The following ARL5B variants were observed in gnomAD, a reference collection of about 807,000 sequenced individuals.
ARL5B encodes ADP-ribosylation factor-like protein 5B.
Under a neutral mutation model 26.9 loss-of-function variants are expected in ARL5B, and 10 were observed. The ratio of observed to expected loss-of-function variants is 0.37; its 90% confidence interval spans 0.23 to 0.63. The LOEUF (loss-of-function observed/expected upper bound fraction) is 0.63. Ranked by LOEUF, ARL5B falls within the 30% of genes least tolerant of loss-of-function variation. The pLI, the probability that ARL5B is intolerant of heterozygous loss-of-function variation, is 0.62. For missense variants in ARL5B, 167 were observed against 213.9 expected, an observed-to-expected ratio of 0.78 and a Z score of 1.37; for synonymous variants, 87 against 70.4, an observed-to-expected ratio of 1.24 and a Z score of -1.18.
At chr10:18,673,087 G>T (rs977068370) in intron 4 of ARL5B, among the ~76,000 whole-genome samples, 1 of 151,740 alleles carries the variant, frequency 6.6e-6, no homozygotes, top group Non-Finnish European at 1.5e-5. Flanking sequence ...TTTTGAGACG[G>T]AGTCTTGCTC....
intron 1 of ARL5B, chr10:18,659,979 T>C (rs1442414454): frequency 1.1e-5 from 11 of 975,322 alleles, no homozygotes; most frequent in Non-Finnish European, 1.3e-5. Context: ...AGGAGGCGTA[T>C]GGAGGGCCTT....
intron 1 of ARL5B, among the ~76,000 whole-genome samples, chr10:18,664,499 C>A (rs2059852158): frequency 6.9e-6 from 1 of 144,690 alleles, no homozygotes; most frequent in African/African-American, 2.6e-5. Context: ...GCACAGTGAC[C>A]CGATCTCGGC....
intron 1 of ARL5B, among the ~76,000 whole-genome samples, chr10:18,665,891 CTACT>C: frequency 6.6e-6 from 1 of 152,174 alleles, no homozygotes; most frequent in South Asian, 2.1e-4. Context: ...GCTTTAGCAA[CTACT>C]TATTAAAAGA....
In ARL5B at chr10:18,672,602, T is replaced by C; in HGVS notation, c.256-20T>C. On this transcript the variant is annotated intron_variant, in intron 3 of 5. Transcript: ENST00000377275. The stretch of plus-strand genomic sequence containing the variant: ...AGCATCCCATTCAATTTTCTGTCTT[T>C]CCTTTTAATTTTCTTCTAGTTCATC... 1 of 1,586,664 alleles carries C rather than the reference T, an allele frequency of 6.3e-7. No homozygotes were observed.
chr10:18,669,293 A>C (rs1188947012), intron 3 of ARL5B, among the ~76,000 whole-genome samples: 1 of 152,164 alleles, frequency 6.6e-6, no homozygotes, highest in Non-Finnish European at 1.5e-5. Context: ...GAGAGATCTG[A>C]CACGTGGAGA....
At chr10:18,667,943 G>A (rs2059869037) in intron 2 of ARL5B, among the ~76,000 whole-genome samples, 1 of 152,092 alleles carries the variant, frequency 6.6e-6, no homozygotes. Context: ...TCAAGTTCTT[G>A]ACCTCAGGTG....
At chr10:18,666,532 A>G (rs765085917) in intron 1 of ARL5B, 43 bp from the exon 2 acceptor site, 1 of 1,477,100 alleles carries the variant, frequency 6.8e-7, no homozygotes, top group East Asian at 2.3e-5. Context: ...AATTGCAGTA[A>G]TGCAGTAGTG....
rs1393697125 is a variant in ARL5B at position 18,676,393 on chromosome 10, C to G, written c.*1177C>G. The G allele has an allele frequency of 1.3e-5, 2 of 151,968 alleles. No individual in the cohort carries two copies. The highest frequency in any genetic ancestry group is 1.5e-5 in the Non-Finnish European group (1 of 67,852). The allele number at this position is 151,968 out of a possible 1,614,324, so 9.4% of individuals were successfully genotyped here. On this transcript the variant is annotated 3_prime_UTR_variant, in exon 6 of 6. Transcript: ENST00000377275. The stretch of plus-strand genomic sequence containing the variant: ...GCTTTTAGAATATTAATAGGAGACT[C>G]AAAGTTAATATTCTTAACAACTTAA...
At chr10:18,672,777 A>C in intron 4 of ARL5B, 72 bp downstream of exon 4, 1 of 1,018,632 alleles carries the variant, frequency 9.8e-7, no homozygotes, top group Non-Finnish European at 1.5e-6. Flanking sequence ...CTTTTTTGCA[A>C]AGATTAATGT....
intron 1 of ARL5B, among the ~76,000 whole-genome samples, chr10:18,660,373 G>C (rs1418191192): frequency 1.3e-5 from 2 of 152,194 alleles, no homozygotes; most frequent in African/African-American, 4.8e-5. Context: ...TTCTGAATCA[G>C]AATGAGATGT....
intron 1 of ARL5B, 45 bp downstream of exon 1, chr10:18,659,728 G>A (rs753772963): frequency 4.8e-5 from 76 of 1,598,674 alleles, no homozygotes; most frequent in Non-Finnish European, 6.4e-5. Flanking sequence ...CGAGGCAGAG[G>A]GTCCCGCCGC....
intron 1 of ARL5B, among the ~76,000 whole-genome samples, chr10:18,663,949 T>TTTTTG (rs141851017): frequency 0.21 from 31,373 of 151,288 alleles, 3,541 homozygotes; most frequent in Non-Finnish European, 0.26. Context: ...CCATTCTTTG[T>TTTTTG]TTTTGTTTTG....
chr10:18,661,964 C>T lies in ARL5B; in HGVS notation c.46+2281C>T, dbSNP rs561208164. 2.6e-5 allele frequency among the ~76,000 whole-genome samples: 4 copies of T among 152,096 alleles called. No homozygotes were observed. The East Asian group carries it at 5.8e-4, about 22-fold the overall frequency. ...ACCAGGAGAACCTTATCACAGAGGG[C>T]CTCCAGTGTTGACTAAGACATTAAA... On this transcript the variant is annotated intron_variant, in intron 1 of 5. Transcript: ENST00000377275.
chr10:18,668,422 T>C, intron 2 of ARL5B, 108 bp from the exon 3 acceptor site: 1 of 1,154,224 alleles, frequency 8.7e-7, no homozygotes. Context: ...ATGCTAATGA[T>C]CACCATCATT....
At position 18,678,500 on chromosome 10, in the gene ARL5B, A is replaced by T. The variant is rs994413243; in HGVS notation, c.*3284A>T. The T allele has an allele frequency of 6.6e-6, 1 of 151,946 alleles. No homozygotes were observed. Among genetic ancestry groups the T allele is most frequent in the African/African-American group, 2.4e-5 (1 of 41,446 alleles). The allele number at this position is 151,946 out of a possible 1,614,324, so 9.4% of individuals were successfully genotyped here. A position where few individuals can be genotyped will look rare whatever the true frequency, so the allele number is the denominator to read the frequency against. ...AAGAATATAGAAGCTTTTTTAAAAA[A>T]TCTTTTTAGTGTAGTTTCTTAGAAC... On this transcript the variant is annotated 3_prime_UTR_variant, in exon 6 of 6. Coordinates refer to ENST00000377275, the MANE Select transcript of ARL5B (RefSeq NM_178815.5).
chr10:18,660,413 AC>A (rs1461230748), intron 1 of ARL5B, among the ~76,000 whole-genome samples: 1 of 152,146 alleles, frequency 6.6e-6, no homozygotes, highest in African/African-American at 2.4e-5. Flanking sequence ...AAACACCCAG[AC>A]CAAAAAAGGG....
chr10:18,665,768 G>T lies in ARL5B; in HGVS notation c.47-807G>T, dbSNP rs900810421. On this transcript the variant is annotated intron_variant, in intron 1 of 5. Coordinates refer to ENST00000377275, the MANE Select transcript of ARL5B (RefSeq NM_178815.5). ...AGCATTCTTCTGCCTTGGAGAAGGG[G>T]ATCTTTAGTATACTTGGCATAAGTG... Among the ~76,000 whole-genome samples the T allele has an allele frequency of 2.0e-5, 3 of 152,306 alleles. No individual in the cohort carries two copies. The East Asian group carries it at 5.8e-4, about 29-fold the overall frequency.
chr10:18,665,097 A>G (rs1449021189), intron 1 of ARL5B, among the ~76,000 whole-genome samples: 3 of 152,200 alleles, frequency 2.0e-5, no homozygotes, highest in Non-Finnish European at 2.9e-5. Context: ...GCTTAGTGCC[A>G]GGCAGTCTGT....
In ARL5B at chr10:18,663,899, A is replaced by G. The variant is rs560826430; in HGVS notation, c.47-2676A>G. The stretch of plus-strand genomic sequence containing the variant: ...ACTGTAAGCAGGTTTCAAACACACT[A>G]AACTTAAACTTATCATCTATCTGCA... On this transcript the variant is annotated intron_variant, in intron 1 of 5. Transcript: ENST00000377275. 8.6e-5 allele frequency among the ~76,000 whole-genome samples: 13 copies of G among 151,850 alleles called. No individual in the cohort carries two copies. In the South Asian group the frequency reaches 2.3e-3, roughly 27 times the overall value.
Sources: allele counts gnomAD v4.1 joint callset (sites outside exome capture counted in the v4.1 genomes callset), GRCh38; gene constraint gnomAD v4.1.1; transcripts MANE v1.5; gene names NCBI Gene and HGNC (gene_info 2026-07-23, HGNC 2026-07-21).